The following PGRMC1 variants were observed in gnomAD, a reference collection of about 807,000 sequenced individuals.
The protein encoded by PGRMC1 is membrane-associated progesterone receptor component 1.
For missense variants in PGRMC1, 145 were observed against 169.0 expected (o/e 0.86, Z 0.79); for synonymous variants, 73 against 77.3 (o/e 0.94, Z 0.29).
chrX:119,242,582 C>T (rs1378552067), intron 2 of PGRMC1, among the ~76,000 whole-genome samples: 1 of 111,132 alleles, frequency 9.0e-6, no homozygotes, highest in Non-Finnish European at 1.9e-5. Context: ...CTTCAGTGCC[C>T]TTTGCCACCT....
At chrX:119,240,256 A>G (rs993869242) in intron 1 of PGRMC1, 53 bp from the exon 2 acceptor site, 57 of 1,136,133 alleles carry the variant, frequency 5.0e-5, no homozygotes, top group Admixed American at 1.5e-4. Context: ...TGTATAAATC[A>G]CAGAGAAATT....
chrX:119,241,029 C>A (rs1343537892), intron 2 of PGRMC1, among the ~76,000 whole-genome samples: 1 of 111,785 alleles, frequency 8.9e-6, no homozygotes, highest in Non-Finnish European at 1.9e-5. Flanking sequence ...GGGCTGAGGT[C>A]TTTGGGGAGA....
intron 1 of PGRMC1, among the ~76,000 whole-genome samples, chrX:119,238,879 A>C (rs986242418): frequency 8.9e-5 from 10 of 112,583 alleles, no homozygotes; most frequent in African/African-American, 3.2e-4. Flanking sequence ...AGATGTGGGA[A>C]TATAGCAGTG....
In PGRMC1 at chrX:119,240,196, T is replaced by C. The variant is rs939436583; in HGVS notation, c.329-113T>C. 22 of 682,511 alleles carry C rather than the reference T, an allele frequency of 3.2e-5. 1 individual carries two copies. Among genetic ancestry groups the C allele is most frequent in the East Asian group, 9.6e-5 (3 of 31,237 alleles). 56.2% of individuals were successfully genotyped at this position (682,511 alleles called of 1,213,427 possible). ...CATTACTATGGTTTCCTAATGGAAT[T>C]TGATATTCAAAAATGGGGCTATGTT... is the stretch of plus-strand genomic sequence containing the variant. On this transcript the variant is annotated intron_variant, in intron 1 of 2. Coordinates refer to ENST00000217971, the MANE Select transcript of PGRMC1 (RefSeq NM_006667.5).
At chrX:119,239,261 G>A (rs1265523954) in intron 1 of PGRMC1, among the ~76,000 whole-genome samples, 2 of 111,766 alleles carry the variant, frequency 1.8e-5, no homozygotes, top group East Asian at 2.8e-4. Flanking sequence ...TTAAAAATAA[G>A]CATTTTTCTT....
In PGRMC1 at chrX:119,238,100, G is replaced by A. The variant is rs747051955; in HGVS notation, c.328+1409G>A. Among the ~76,000 whole-genome samples the A allele has an allele frequency of 4.0e-4, 45 of 112,030 alleles. No individual in the cohort carries two copies. In the Admixed American group the frequency reaches 4.2e-3, roughly 10 times the overall value. ...GCCTGAGAGAGGGAAGAGTACAGAA[G>A]GCAGTACACAAACTCAGGCATTCAT... On this transcript the variant is annotated intron_variant, in intron 1 of 2. Coordinates refer to ENST00000217971, the MANE Select transcript of PGRMC1 (RefSeq NM_006667.5).
intron 2 of PGRMC1, 85 bp from the exon 3 acceptor site, chrX:119,243,066 C>G: frequency 1.6e-6 from 1 of 633,724 alleles, no homozygotes; most frequent in Non-Finnish European, 2.7e-6. Context: ...TTGCAGGCCT[C>G]TAATAAATGC....
At position 119,243,850 on chromosome X, in the gene PGRMC1, A is replaced by T. The variant is rs927456531; in HGVS notation, c.*596A>T. The T allele has an allele frequency of 4.3e-5, 5 of 114,954 alleles. No individual in the cohort carries two copies. Among genetic ancestry groups the T allele is most frequent in the African/African-American group, 1.6e-4 (5 of 30,839 alleles). 9.5% of individuals were successfully genotyped at this position (114,954 alleles called of 1,213,427 possible). On this transcript the variant is annotated 3_prime_UTR_variant, in exon 3 of 3. Transcript: ENST00000217971. ...CTGTTGTCCTTGCCCTCACATAGAC[A>T]CTCAGACACCCTCACAAACACAGTA...
In PGRMC1 at chrX:119,243,147, C is replaced by T; in HGVS notation, c.485-4C>T. 1.8e-6 allele frequency: 2 copies of T among 1,123,193 alleles called. No individual in the cohort carries two copies. Among genetic ancestry groups the T allele is most frequent in the Non-Finnish European group, 2.5e-6 (2 of 814,472 alleles). The allele number at this position is 1,123,193 out of a possible 1,213,427, so 92.6% of individuals were successfully genotyped here. On this transcript the variant is annotated splice_region_variant and splice_polypyrimidine_tract_variant and intron_variant, in intron 2 of 2. Transcript: ENST00000217971. ...ACCATTTGTGTTTTCTTCTCTACCT[C>T]CAGTCAAGTATCATCACGTGGGCAA...
intron 1 of PGRMC1, among the ~76,000 whole-genome samples, 162 bp from the exon 2 acceptor site, chrX:119,240,147 C>T (rs1396011463): frequency 3.6e-5 from 4 of 112,302 alleles, no homozygotes; most frequent in Admixed American, 9.4e-5. Context: ...TTCTGTGTCT[C>T]CTACATAATG....
intron 1 of PGRMC1, among the ~76,000 whole-genome samples, chrX:119,237,003 C>A (rs769967849): frequency 4.5e-4 from 50 of 110,743 alleles, no homozygotes; most frequent in Non-Finnish European, 6.8e-4. Context: ...CCACGAAGCT[C>A]GAAGGCGTTG....
intron 1 of PGRMC1, among the ~76,000 whole-genome samples, chrX:119,239,084 A>G (rs1023624494): frequency 8.9e-6 from 1 of 111,752 alleles, no homozygotes. Flanking sequence ...GTAAAGACTC[A>G]CTCTACCAAG....
rs1556019124 is a variant in PGRMC1 at position 119,240,510 on chromosome X, T to A, written c.484+46T>A. The stretch of plus-strand genomic sequence containing the variant: ...GTCTGGGTCAAATTTCTACCAGTAA[T>A]GGGGATTCGTGGCAGGACAATAGTT... On this transcript the variant is annotated intron_variant, in intron 2 of 2. Coordinates refer to ENST00000217971, the MANE Select transcript of PGRMC1 (RefSeq NM_006667.5). 9 of 1,041,940 alleles carry A rather than the reference T, an allele frequency of 8.6e-6. No homozygotes were observed. In the Admixed American group the frequency reaches 2.0e-4, roughly 23 times the overall value. 85.9% of individuals were successfully genotyped at this position (1,041,940 alleles called of 1,213,427 possible).
Position 119,244,156 on chromosome X carries a change from A to G in PGRMC1, c.*902A>G, listed in dbSNP as rs1236500021. On this transcript the variant is annotated 3_prime_UTR_variant, in exon 3 of 3. Coordinates refer to ENST00000217971, the MANE Select transcript of PGRMC1 (RefSeq NM_006667.5). ...GAGGAAACAGTACAGTCGCTAGTCA[A>G]GTGGTTTTTAAAGTAAAGTATATTC... 8.9e-6 allele frequency: 1 copy of G among 112,402 alleles called. No individual in the cohort carries two copies. Among genetic ancestry groups the G allele is most frequent in the Non-Finnish European group, 1.9e-5 (1 of 53,246 alleles). 9.3% of individuals were successfully genotyped at this position (112,402 alleles called of 1,213,427 possible).
In PGRMC1 at chrX:119,236,457, C is replaced by G. The variant is rs1930694698; in HGVS notation, c.94C>G (p.Leu32Val). The change falls in exon 1 of 3, where the codon CTG becomes GTG. Residue 32 changes from leucine to valine, a missense_variant. Leu to Val is a conservative substitution (Grantham distance 32, BLOSUM62 1). Coordinates refer to ENST00000217971, the MANE Select transcript of PGRMC1 (RefSeq NM_006667.5). Reference sequence around the variant, plus strand: ...TGAGATTTTCACGTCGCCGCTCAACCTGCTGCTGCTTGGCCTCTGCATCTT... The same window carrying G: ...TGAGATTTTCACGTCGCCGCTCAACGTGCTGCTGCTTGGCCTCTGCATCTT... ...LHEIFTSPLN[L>V]LLLGLCIFLL... is the part of the protein sequence containing the mutation. 8.3e-7 allele frequency: 1 copy of G among 1,208,886 alleles called. No individual in the cohort carries two copies. The highest frequency in any genetic ancestry group is 1.1e-6 in the Non-Finnish European group (1 of 894,215).
rs780747468 is a variant in PGRMC1, at chrX:119,236,360, G to A, written c.-4G>A. 4 of 1,207,816 alleles carry A rather than the reference G, an allele frequency of 3.3e-6. No individual in the cohort carries two copies. In the Admixed American group the frequency reaches 8.7e-5, roughly 26 times the overall value. ...AGCGCGGCCCAACCTTTACTCCAGA[G>A]ATCATGGCTGCCGAGGATGTGGTGG... On this transcript the variant is annotated 5_prime_UTR_variant, in exon 1 of 3. Transcript: ENST00000217971.
chrX:119,241,431 CAT>C (rs1165660086), intron 2 of PGRMC1, among the ~76,000 whole-genome samples: 2 of 112,243 alleles, frequency 1.8e-5, no homozygotes, highest in Admixed American at 1.9e-4. Flanking sequence ...CTTTGGAAAA[CAT>C]AGTTCAGTTA....
chrX:119,236,774 C>A, intron 1 of PGRMC1, 83 bp downstream of exon 1: 1 of 820,335 alleles, frequency 1.2e-6, no homozygotes, highest in Non-Finnish European at 1.7e-6. Flanking sequence ...GAGGCGGGAG[C>A]GGGGCGCCCC....
Position 119,236,587 on chromosome X carries a change from C to G in PGRMC1, c.224C>G (p.Pro75Arg). 2.5e-6 allele frequency: 3 copies of G among 1,208,021 alleles called. No homozygotes were observed. Among genetic ancestry groups the G allele is most frequent in the Non-Finnish European group, 3.4e-6 (3 of 893,542 alleles). ...CGCCTCAAGCGGCGCGACTTCACCC[C>G]CGCCGAGCTGCGGCGCTTCGACGGC... Reference protein sequence around the residue: ...LPRLKRRDFTPAELRRFDGVQ... With the variant: ...LPRLKRRDFTRAELRRFDGVQ... The change falls in exon 1 of 3, where the codon CCC becomes CGC. Residue 75 changes from proline (P) to arginine (R), a missense_variant. Transcript: ENST00000217971.
Sources: allele counts gnomAD v4.1 joint callset (sites outside exome capture counted in the v4.1 genomes callset), GRCh38; gene constraint gnomAD v4.1.1; transcripts MANE v1.5; gene names NCBI Gene and HGNC (gene_info 2026-07-23, HGNC 2026-07-21).